Variants in TMEM132D observed in about 807,000 individuals in gnomAD.
TMEM132D encodes the protein mature OL transmembrane protein.
A neutral mutation model predicts 62.3 loss-of-function variants in TMEM132D; 21 were observed. That is an observed-to-expected ratio of 0.34 (90% confidence interval 0.24 to 0.49). TMEM132D has a LOEUF of 0.49. Among genes scored for constraint, TMEM132D ranks in the 20% least tolerant of loss-of-function variants. The pLI, the probability that TMEM132D is intolerant of heterozygous loss-of-function variation, is 0.99. For missense variants in TMEM132D, 1,346 were observed against 1,402.8 expected (o/e 0.96, Z 0.65); for synonymous variants, 621 against 575.6 (o/e 1.08, Z -1.13).
intron 2 of TMEM132D, among the ~76,000 whole-genome samples, chr12:129,565,950 T>C (rs1351304778): frequency 6.6e-6 from 1 of 152,228 alleles, no homozygotes; most frequent in Non-Finnish European, 1.5e-5. Context: ...TTATTACTTT[T>C]ATTAAATATT....
chr12:129,769,319 A>C (rs1241385181), intron 1 of TMEM132D, among the ~76,000 whole-genome samples: 1 of 152,186 alleles, frequency 6.6e-6, no homozygotes, highest in African/African-American at 2.4e-5. Flanking sequence ...CATGTCTTAC[A>C]TGGCAGCAGG....
chr12:129,788,910 G>T (rs927260103), intron 1 of TMEM132D, among the ~76,000 whole-genome samples: 1 of 152,050 alleles, frequency 6.6e-6, no homozygotes, highest in African/African-American at 2.4e-5. Flanking sequence ...AACAGGGGAG[G>T]GCAATGAGGC....
chr12:129,211,283 A>G (rs994709981), intron 4 of TMEM132D, among the ~76,000 whole-genome samples: 1 of 152,184 alleles, frequency 6.6e-6, no homozygotes, highest in Non-Finnish European at 1.5e-5. Context: ...CCTTGACACA[A>G]TAACATCAAA....
chr12:129,893,170 T>C (rs1405434167), intron 1 of TMEM132D, among the ~76,000 whole-genome samples: 3 of 152,122 alleles, frequency 2.0e-5, no homozygotes, highest in African/African-American at 4.8e-5. Flanking sequence ...CCACCACGCC[T>C]GGCTTAAGGA....
rs543969127 is a variant in TMEM132D, at chr12:129,184,293, C to G, written c.1443+25227G>C. On this transcript the variant is annotated intron_variant, in intron 5 of 8. Transcript: ENST00000422113. ...GAATTCTTTACCGCTGATAAATTACCAACATCAACACAGAAATCGGTCACC... is the reference window on the plus strand; with the variant it reads ...GAATTCTTTACCGCTGATAAATTACGAACATCAACACAGAAATCGGTCACC... Among the ~76,000 whole-genome samples, 6 of 152,308 alleles carry G rather than the reference C, an allele frequency of 3.9e-5. No individual in the cohort carries two copies. In the South Asian group the frequency reaches 1.0e-3, roughly 26 times the overall value.
chr12:129,461,869 C>A (rs777914404), intron 3 of TMEM132D, among the ~76,000 whole-genome samples: 19 of 152,108 alleles, frequency 1.2e-4, no homozygotes, highest in Non-Finnish European at 2.4e-4. Flanking sequence ...AACACTGTTA[C>A]CAAATACGGA....
intron 1 of TMEM132D, among the ~76,000 whole-genome samples, chr12:129,899,230 AGGATGGATGGATGGATGGATGCAC>A (rs1875251315): frequency 2.9e-5 from 4 of 138,172 alleles, no homozygotes; most frequent in African/African-American, 1.2e-4. Context: ...GACAGATGGA[AGGATGGATGGATGGATGGATGCAC>A]GGATGGATGG....
intron 2 of TMEM132D, among the ~76,000 whole-genome samples, chr12:129,671,261 T>G (rs1313023051): frequency 6.6e-6 from 1 of 152,142 alleles, no homozygotes; most frequent in African/African-American, 2.4e-5. Context: ...GAGAATAACT[T>G]AAAAGGTCTT....
At chr12:129,553,332 C>A (rs1276619558) in intron 2 of TMEM132D, among the ~76,000 whole-genome samples, 5 of 152,208 alleles carry the variant, frequency 3.3e-5, no homozygotes, top group African/African-American at 1.2e-4. Flanking sequence ...CGCCTTTCCC[C>A]TGCCCCCTCA....
intron 5 of TMEM132D, among the ~76,000 whole-genome samples, chr12:129,093,767 C>G (rs1411657645): frequency 6.6e-6 from 1 of 152,184 alleles, no homozygotes; most frequent in Non-Finnish European, 1.5e-5. Context: ...AGGCATCACA[C>G]TACCTGACTT....
At position 129,531,129 on chromosome 12, in the gene TMEM132D, T is replaced by C; in HGVS notation, c.1045A>G (p.Thr349Ala). The C allele has an allele frequency of 4.3e-6, 7 of 1,614,064 alleles. No homozygotes were observed. Among genetic ancestry groups the C allele is most frequent in the Non-Finnish European group, 5.1e-6 (6 of 1,179,982 alleles). Reference protein sequence around the residue: ...SPSIWDVKERTDYTGKYAPAV... With the variant: ...SPSIWDVKERADYTGKYAPAV... ...GGTGCATACTTTCCAGTATAATCCG[T>C]GCGCTCCTTGACATCCCAAATGGAA... Residue 349 changes from threonine (T) to alanine (A), a missense_variant, in exon 3 of 9, where the codon ACG becomes GCG. By Grantham distance (58) the Thr-to-Ala change is moderately conservative (BLOSUM62 0). Coordinates refer to ENST00000422113, the MANE Select transcript of TMEM132D (RefSeq NM_133448.3).
intron 3 of TMEM132D, among the ~76,000 whole-genome samples, chr12:129,481,143 T>C (rs1874417762): frequency 6.6e-6 from 1 of 151,408 alleles, no homozygotes; most frequent in African/African-American, 2.4e-5. Flanking sequence ...GTCATTCCTT[T>C]CAAAGTAGAA....
chr12:129,624,830 C>G (rs947565289), intron 2 of TMEM132D, among the ~76,000 whole-genome samples: 4 of 152,072 alleles, frequency 2.6e-5, no homozygotes, highest in Non-Finnish European at 5.9e-5. Context: ...GTGAACCAGA[C>G]AGCAAGGCAG....
At chr12:129,590,104 T>G (rs1334951413) in intron 2 of TMEM132D, among the ~76,000 whole-genome samples, 2 of 152,188 alleles carry the variant, frequency 1.3e-5, no homozygotes, top group African/African-American at 4.8e-5. Context: ...GTTAAAGTGT[T>G]GCTCTTTTTA....
intron 2 of TMEM132D, among the ~76,000 whole-genome samples, chr12:129,656,544 T>C (rs1211698262): frequency 6.6e-6 from 1 of 152,150 alleles, no homozygotes; most frequent in Non-Finnish European, 1.5e-5. Context: ...TTTTTACACC[T>C]ATACTAGGTG....
chr12:129,353,009 G>A (rs1309616105), intron 3 of TMEM132D, among the ~76,000 whole-genome samples: 1 of 152,100 alleles, frequency 6.6e-6, no homozygotes, highest in Non-Finnish European at 1.5e-5. Context: ...TCTTTCTTGT[G>A]CAAGATCCAA....
At chr12:129,497,436 C>T (rs1339503366) in intron 3 of TMEM132D, among the ~76,000 whole-genome samples, 1 of 152,222 alleles carries the variant, frequency 6.6e-6, no homozygotes, top group African/African-American at 2.4e-5. Flanking sequence ...CACAGCAATG[C>T]TGTTCCCTCC....
chr12:129,511,874 T>A (rs904100522), intron 3 of TMEM132D, among the ~76,000 whole-genome samples: 6 of 152,208 alleles, frequency 3.9e-5, no homozygotes, highest in Non-Finnish European at 7.3e-5. Context: ...TTTTATACCT[T>A]AATGTTTCAG....
rs138193973 is a variant in TMEM132D, at chr12:129,819,897, C to T, written c.79+83364G>A. ...ACCCAAAGTGCTCATGAGTGGGAGA[C>T]GCAGTGTCCTGGAGCTGAGGCTGGA... is the stretch of plus-strand genomic sequence containing the variant. On this transcript the variant is annotated intron_variant, in intron 1 of 8. Transcript: ENST00000422113. Among the ~76,000 whole-genome samples the T allele has an allele frequency of 1.3e-3, 197 of 152,246 alleles. 4 individuals are homozygous for T. In the East Asian group the frequency reaches 0.033, roughly 26 times the overall value.
Sources: gnomAD v4.1 joint callset for allele counts (sites outside exome capture counted in the v4.1 genomes callset) on GRCh38, gnomAD v4.1.1 for gene constraint, MANE v1.5 for transcripts, NCBI Gene and HGNC (gene_info 2026-07-23, HGNC 2026-07-21) for gene names.